NPHP3: variants seen among roughly 807,000 people sequenced by gnomAD.
NPHP3 encodes the protein nephrocystin-3.
A neutral mutation model predicts 171.9 loss-of-function variants in NPHP3; 123 were observed. That is an observed-to-expected ratio of 0.72 (90% CI 0.62 to 0.83). The LOEUF is 0.83. Among genes scored for constraint, NPHP3 ranks in the 40% least tolerant of loss-of-function variants. The pLI is 0.00. For missense variants in NPHP3, 1,506 were observed against 1,591.9 expected, an observed-to-expected ratio of 0.95 and a Z score of 0.92; for synonymous variants, 558 against 579.2, an observed-to-expected ratio of 0.96 and a Z score of 0.52.
chr3:132,704,404 T>C (rs1343968984), intron 8 of NPHP3, 33 bp from the exon 9 acceptor site: 2 of 1,613,520 alleles, frequency 1.2e-6, no homozygotes, highest in Non-Finnish European at 1.7e-6. Flanking sequence ...CAAAAATGAA[T>C]GAAGAAAATA....
intron 26 of NPHP3, 70 bp from the exon 27 acceptor site, chr3:132,682,160 G>C: frequency 7.2e-7 from 1 of 1,386,664 alleles, no homozygotes; most frequent in Non-Finnish European, 1.0e-6. Context: ...TGACCTTATG[G>C]GATACAGAAA....
intron 17 of NPHP3, among the ~76,000 whole-genome samples, chr3:132,691,807 C>T (rs1201590753): frequency 6.6e-6 from 1 of 152,168 alleles, no homozygotes; most frequent in African/African-American, 2.4e-5. Context: ...CAAGAACGAC[C>T]TCAATTAATT....
intron 24 of NPHP3, 74 bp from the exon 25 acceptor site, chr3:132,683,598 TA>T: frequency 1.7e-6 from 2 of 1,204,182 alleles, no homozygotes; most frequent in Non-Finnish European, 2.4e-6. Flanking sequence ...TTTCCATAAG[TA>T]AAATTTCATA....
At position 132,712,867 on chromosome 3, in the gene NPHP3, C is replaced by T. The variant is rs555877854; in HGVS notation, c.1118+259G>A. Among the ~76,000 whole-genome samples, 10 of 152,116 alleles carry T rather than the reference C, an allele frequency of 6.6e-5. No individual in the cohort carries two copies. In the South Asian group the frequency reaches 1.7e-3, roughly 25 times the overall value. On this transcript the variant is annotated intron_variant, in intron 6 of 26. Coordinates refer to ENST00000337331, the MANE Select transcript of NPHP3 (RefSeq NM_153240.5). Reference sequence around the variant, plus strand: ...AAAGCAAACTCCTGGCTAGATTTGGCCCTTGGGCTATATTTGCCAAACTCT... The same window carrying T: ...AAAGCAAACTCCTGGCTAGATTTGGTCCTTGGGCTATATTTGCCAAACTCT...
chr3:132,716,980 G>C, intron 3 of NPHP3, 71 bp from the exon 4 acceptor site: 2 of 1,397,018 alleles, frequency 1.4e-6, no homozygotes, highest in Non-Finnish European at 1.0e-6. Flanking sequence ...CACATATACC[G>C]AACAGGATTG....
At position 132,688,840 on chromosome 3, in the gene NPHP3, G is replaced by A. The variant is rs1939228069; in HGVS notation, c.2935C>T (p.Pro979Ser). ...GACTGGGCTACTCTTGGGTGATCGG[G>A]ATCTAAAGCTGTTTCTCGAATCTCT... ...SLEIRETALDPDHPRVAQSLH... is the reference protein window; with the variant it reads ...SLEIRETALDSDHPRVAQSLH... Residue 979 changes from proline (P) to serine (S), a missense_variant, in exon 21 of 27, where the codon CCC (proline) becomes TCC (serine). Physicochemically the swap from Pro to Ser is moderately conservative, Grantham distance 74 (BLOSUM62 -1). This residue lies in a region of NPHP3 where 569 missense variants were observed against 648.1 expected (regional missense o/e 0.88). Coordinates refer to ENST00000337331, the MANE Select transcript of NPHP3 (RefSeq NM_153240.5). 6.2e-7 allele frequency: 1 copy of A among 1,614,080 alleles called. No homozygotes were observed. The highest frequency in any genetic ancestry group is 1.1e-5 in the South Asian group (1 of 91,078).
At chr3:132,698,955 T>C (rs1390304660) in intron 13 of NPHP3, among the ~76,000 whole-genome samples, 1 of 152,136 alleles carries the variant, frequency 6.6e-6, no homozygotes, top group Non-Finnish European at 1.5e-5. Flanking sequence ...TGCAGTGGCA[T>C]GATCTCTGCT....
At position 132,686,736 on chromosome 3, in the gene NPHP3, T is replaced by C. The variant is rs116246998; in HGVS notation, c.3202-349A>G. Among the ~76,000 whole-genome samples the C allele has an allele frequency of 7.7e-3, 1,166 of 152,308 alleles. 14 individuals are homozygous for C. Among genetic ancestry groups the C allele is most frequent in the African/African-American group, 0.026 (1,098 of 41,580 alleles). ...CAGGTCCATAAAAATGCACACAGCA[T>C]TTTAAATTAAAGAAATATGCTACAT... On this transcript the variant is annotated intron_variant, in intron 22 of 26. Transcript: ENST00000337331.
At chr3:132,704,461 C>T in intron 8 of NPHP3, 90 bp from the exon 9 acceptor site, 2 of 1,355,368 alleles carry the variant, frequency 1.5e-6, no homozygotes, top group Non-Finnish European at 2.1e-6. Flanking sequence ...GCTTCACCTA[C>T]TTTTGGGAGG....
intron 10 of NPHP3, 138 bp from the exon 11 acceptor site, chr3:132,700,586 G>T (rs2107981615): frequency 1.8e-6 from 1 of 560,442 alleles, no homozygotes; most frequent in East Asian, 3.0e-5. Context: ...AATAAATATG[G>T]AGATTTCTGT....
intron 17 of NPHP3, among the ~76,000 whole-genome samples, chr3:132,692,004 T>G (rs1812334): frequency 2.6e-5 from 4 of 152,176 alleles, no homozygotes; most frequent in African/African-American, 7.2e-5. Context: ...ATGATGATGA[T>G]CCTATAAAAT....
At chr3:132,721,280 C>T (rs1321223614) in intron 1 of NPHP3, among the ~76,000 whole-genome samples, 22 of 152,182 alleles carry the variant, frequency 1.4e-4, no homozygotes, top group Admixed American at 1.2e-3. Context: ...GCAATAATTG[C>T]TTTTAGCGTA....
At position 132,708,187 on chromosome 3, in the gene NPHP3, G is replaced by A. The variant is rs141477666; in HGVS notation, c.1189C>T (p.Arg397Cys). Residue 397 changes from arginine (R) to cysteine (C), a missense_variant, in exon 7 of 27, where the codon CGT becomes TGT. Transcript: ENST00000337331. Reference sequence around the variant, plus strand: ...GAACTGACTTTTCCATCTTCCAAACGATGAAAGATTAATCGAGGTTTTCCT... The same window carrying A: ...GAACTGACTTTTCCATCTTCCAAACAATGAAAGATTAATCGAGGTTTTCCT... ...PEGKPRLIFH[R>C]LEDGKVSSDS... The A allele has an allele frequency of 5.1e-3, 8,275 of 1,613,692 alleles. 33 individuals carry two copies. The highest frequency in any genetic ancestry group is 6.4e-3 in the Non-Finnish European group (7,503 of 1,179,574).
chr3:132,718,079 C>A, intron 3 of NPHP3: 1 of 453,792 alleles, frequency 2.2e-6, no homozygotes, highest in South Asian at 1.6e-5. Flanking sequence ...TAAAAGTTAG[C>A]AATAAAAATT....
chr3:132,720,020 C>T (rs1940165226), intron 1 of NPHP3, among the ~76,000 whole-genome samples, 190 bp from the exon 2 acceptor site: 1 of 152,060 alleles, frequency 6.6e-6, no homozygotes, highest in South Asian at 2.1e-4. Flanking sequence ...AAACCGCAAC[C>T]ATGCTTGAAC....
chr3:132,689,452 T>A (rs1180070348), intron 19 of NPHP3, among the ~76,000 whole-genome samples, 189 bp from the exon 20 acceptor site: 1 of 152,206 alleles, frequency 6.6e-6, no homozygotes, highest in Non-Finnish European at 1.5e-5. Flanking sequence ...TTGAGCAGGT[T>A]ATCTGACCTC....
chr3:132,694,379 T>A (rs62292470), intron 16 of NPHP3, among the ~76,000 whole-genome samples: 55,029 of 148,776 alleles, frequency 0.37, 11,555 homozygotes, highest in East Asian at 0.76. Flanking sequence ...GTGTGTGTGT[T>A]TACACACACA....
chr3:132,692,673 A>G lies in NPHP3; in HGVS notation c.2456T>C (p.Leu819Pro), dbSNP rs1415319484. ...CATTACCTGCAGATGTTGAAACCTA[A>G]GCAAGCCACATCCATAAGTCAACAA... ...MCLLTYGCGL[L>P]RFQHLQAWET... Residue 819 changes from leucine to proline, a missense_variant, in exon 17 of 27, where the codon CTT becomes CCT. Coordinates refer to ENST00000337331, the MANE Select transcript of NPHP3 (RefSeq NM_153240.5). 1.9e-6 allele frequency: 3 copies of G among 1,614,026 alleles called. No individual in the cohort carries two copies. Among genetic ancestry groups the G allele is most frequent in the Non-Finnish European group, 2.5e-6 (3 of 1,179,928 alleles).
In NPHP3 at chr3:132,694,943, C is replaced by G; in HGVS notation, c.2194G>C (p.Asp732His). Residue 732 changes from aspartate (D) to histidine (H), a missense_variant, in exon 16 of 27, where the codon GAT becomes CAT. Around this residue, in one of 3 missense-constraint regions of NPHP3, gnomAD observed 930 missense variants for 924.9 expected, o/e 1.01. Transcript: ENST00000337331. ...IARAGRAGNL[D>H]KILHQCFQCQ... is the part of the protein sequence containing the mutation. ...TGGAAACACTGATGAAGGATTTTAT[C>G]TAAATTGCCTGCTCTCCCAGCACTG... 1 of 1,613,828 alleles carries G rather than the reference C, an allele frequency of 6.2e-7. No individual in the cohort carries two copies. The highest frequency in any genetic ancestry group is 8.5e-7 in the Non-Finnish European group (1 of 1,179,930).
Sources: allele counts gnomAD v4.1 joint callset (sites outside exome capture counted in the v4.1 genomes callset), GRCh38; gene constraint gnomAD v4.1.1; regional missense constraint gnomAD v4.1.1; transcripts MANE v1.5; gene names NCBI Gene and HGNC (gene_info 2026-07-23, HGNC 2026-07-21).